The following INTS7 variants were observed in gnomAD, a reference collection of about 807,000 sequenced individuals.
INTS7 encodes the protein integrator complex subunit 7.
Under a neutral mutation model 109.2 loss-of-function variants are expected in INTS7, and 46 were observed. The ratio of observed to expected loss-of-function variants is 0.42; its 90% CI spans 0.33 to 0.54. INTS7 has a LOEUF of 0.54. INTS7 is among the 20% of genes least tolerant of loss of function. INTS7 has a pLI of 0.07. For synonymous variants in INTS7, 412 were observed against 402.9 expected (o/e 1.02, Z -0.27); for missense variants, 929 against 1,132.4 (o/e 0.82, Z 2.58).
intron 12 of INTS7, among the ~76,000 whole-genome samples, 184 bp from the exon 13 acceptor site, chr1:211,975,556 G>A (rs1303345403): frequency 6.6e-6 from 1 of 152,172 alleles, no homozygotes. Context: ...AAAATATGCT[G>A]AGTTGCTTTT....
At chr1:211,971,915 CAAAAAAAAAA>C (rs745814699) in intron 13 of INTS7, among the ~76,000 whole-genome samples, 1 of 79,820 alleles carries the variant, frequency 1.3e-5, no homozygotes, top group African/African-American at 4.9e-5. Context: ...AACTCAGTCT[CAAAAAAAAAA>C]AAAAAAAAAA....
At position 211,946,628 on chromosome 1, in the gene INTS7, T is replaced by C. The variant is rs768867870; in HGVS notation, c.2394A>G (p.Lys798=). 6.2e-7 allele frequency: 1 copy of C among 1,610,382 alleles called. No individual in the cohort carries two copies. The highest frequency in any genetic ancestry group is 1.1e-5 in the South Asian group (1 of 90,978). The part of the protein sequence containing the change: ...PLSFQRYFFQ[K]LQSTSIKLAL... ...TTACCTTGATGCTGGTAGACTGTAG[T>C]TTCTGGAAAAAATATCTCTGGAAAG... The change falls in exon 18 of 20, where the codon AAA becomes AAG. Residue 798 remains lysine, a synonymous_variant. Transcript: ENST00000366994. The surrounding 1 kb of genome is among the most constrained non-coding windows in gnomAD (Gnocchi z 4.3).
chr1:211,946,333 A>G lies in INTS7; in HGVS notation c.2415+274T>C, dbSNP rs114847592. Among the ~76,000 whole-genome samples the G allele has an allele frequency of 0.014, 2,103 of 152,294 alleles. 13 individuals are homozygous for G. Among genetic ancestry groups the G allele is most frequent in the Non-Finnish European group, 0.021 (1,398 of 68,020 alleles). On this transcript the variant is annotated intron_variant, in intron 18 of 19. Coordinates refer to ENST00000366994, the MANE Select transcript of INTS7 (RefSeq NM_015434.4). This position sits in a 1 kb window ranked among gnomAD's most constrained non-coding sequence, Gnocchi z 4.3. ...CCCCATCTTTACCAAAAATAAAAAA[A>G]TCAGCTGCGTGAGGTGGTGGATGCC...
rs772711460 is a variant in INTS7 at position 211,946,665 on chromosome 1, T to C, written c.2357A>G (p.Lys786Arg). 1.9e-6 allele frequency: 3 copies of C among 1,613,662 alleles called. No individual in the cohort carries two copies. The highest frequency in any genetic ancestry group is 1.7e-5 in the Admixed American group (1 of 60,016). ...CLCNAIIALL[K>R]VPLSFQRYFF... ...ATATCTCTGGAAAGAAAGGGGAACTTTCAGCAAAGCAATGATGGCATTGCA... is the reference window on the plus strand; with the variant it reads ...ATATCTCTGGAAAGAAAGGGGAACTCTCAGCAAAGCAATGATGGCATTGCA... Residue 786 changes from lysine to arginine, a missense_variant, in exon 18 of 20, where the codon AAA becomes AGA. Transcript: ENST00000366994. The surrounding 1 kb of genome is among the most constrained non-coding windows in gnomAD (Gnocchi z 4.3).
In INTS7 at chr1:211,950,217, G is replaced by A. The variant is rs568800418; in HGVS notation, c.2316+2352C>T. Among the ~76,000 whole-genome samples, 30 of 152,338 alleles carry A rather than the reference G, an allele frequency of 2.0e-4. No homozygotes were observed. The East Asian group carries it at 5.6e-3, about 28-fold the overall frequency. ...TGAACTGAATCTGGAGGCTCAGACA[G>A]TAACAAATCTATAAAGTACAACTTG... On this transcript the variant is annotated intron_variant, in intron 17 of 19. Transcript: ENST00000366994.
chr1:211,996,212 G>A (rs1665378415), intron 7 of INTS7, among the ~76,000 whole-genome samples: 1 of 152,016 alleles, frequency 6.6e-6, no homozygotes, highest in Non-Finnish European at 1.5e-5. Context: ...ACTTGAGATT[G>A]GGAGTTCAAG....
At chr1:212,019,120 G>A (rs1198056790) in intron 3 of INTS7, among the ~76,000 whole-genome samples, 1 of 151,988 alleles carries the variant, frequency 6.6e-6, no homozygotes, top group African/African-American at 2.4e-5. Context: ...GTGTGGTGGC[G>A]GGCACCTACA....
At chr1:211,987,158 A>G (rs895154638) in intron 8 of INTS7, among the ~76,000 whole-genome samples, 4 of 152,048 alleles carry the variant, frequency 2.6e-5, no homozygotes, top group South Asian at 2.1e-4. Flanking sequence ...TTAGCCAGCC[A>G]TGGTGGCGGG....
intron 17 of INTS7, among the ~76,000 whole-genome samples, chr1:211,950,230 A>G (rs933767130): frequency 6.6e-6 from 1 of 152,210 alleles, no homozygotes; most frequent in Admixed American, 6.5e-5. Flanking sequence ...ACAAATCTAT[A>G]AAGTACAACT....
At chr1:211,997,487 C>T (rs1057409930) in intron 7 of INTS7, among the ~76,000 whole-genome samples, 3 of 138,400 alleles carry the variant, frequency 2.2e-5, no homozygotes, top group Non-Finnish European at 4.6e-5. Flanking sequence ...CACACCATTG[C>T]ACTCCAGCCT....
intron 1 of INTS7, among the ~76,000 whole-genome samples, chr1:212,033,437 G>A (rs933236767): frequency 6.6e-6 from 1 of 152,182 alleles, no homozygotes; most frequent in Admixed American, 6.5e-5. Context: ...GGCATTGCTG[G>A]GAGGAGTGCA....
chr1:211,995,627 A>C (rs972204435), intron 7 of INTS7, among the ~76,000 whole-genome samples: 3 of 152,356 alleles, frequency 2.0e-5, no homozygotes, highest in African/African-American at 7.2e-5. Context: ...AATATTTTTT[A>C]ATTGAAATGG....
Position 211,974,272 on chromosome 1 carries a change from A to ATATATATATATATATAT in INTS7, c.1815+893_1815+894insATATATATATATATATA, listed in dbSNP as rs1553249472. Among the ~76,000 whole-genome samples the ATATATATATATATATAT allele has an allele frequency of 1.4e-3, 85 of 62,180 alleles. 3 individuals carry two copies. The highest frequency in any genetic ancestry group is 1.7e-3 in the South Asian group (3 of 1,802). The allele number at this position is 62,180 out of a possible 152,430, so 40.8% of individuals were successfully genotyped here. A position where few individuals can be genotyped will look rare whatever the true frequency, so the allele number is the denominator to read the frequency against. On this transcript the variant is annotated intron_variant, in intron 13 of 19. Transcript: ENST00000366994. ...GAAACAACAATCTCTTCCCAGAAAA[A>ATATATATATATATATAT]AAAAATATATATATATATATATATA...
chr1:211,944,910 C>G lies in INTS7; in HGVS notation c.2475G>C (p.Gln825His). 6.2e-7 allele frequency: 1 copy of G among 1,614,200 alleles called. No homozygotes were observed. Among genetic ancestry groups the G allele is most frequent in the Non-Finnish European group, 8.5e-7 (1 of 1,180,028 alleles). Reference protein sequence around the residue: ...PAEPIAVQNNQQLALKVEGVV... With the variant: ...PAEPIAVQNNHQLALKVEGVV... ...CTCCCTCTACCTTTAGCGCCAGCTG[C>G]TGGTTATTCTGGACAGCAATGGGCT... Residue 825 changes from glutamine to histidine, a missense_variant, in exon 19 of 20, where the codon CAG becomes CAC. By Grantham distance (24) the Gln-to-His change is conservative. Coordinates refer to ENST00000366994, the MANE Select transcript of INTS7 (RefSeq NM_015434.4).
rs772372026 is a variant in INTS7, at chr1:212,007,222, T to C, written c.756+28A>G. On this transcript the variant is annotated intron_variant, in intron 6 of 19. Transcript: ENST00000366994. ...ATTTAATATGTAAGTTTACCAAAGA[T>C]AGGCAGTTTAAAGAAAATTGAAATT... The C allele has an allele frequency of 4.1e-6, 6 of 1,474,990 alleles. No homozygotes were observed. The Admixed American group carries it at 6.7e-5, about 17-fold the overall frequency. 91.4% of individuals were successfully genotyped at this position (1,474,990 alleles called of 1,614,324 possible).
intron 1 of INTS7, among the ~76,000 whole-genome samples, chr1:212,032,821 C>A (rs1667231839): frequency 6.6e-6 from 1 of 152,142 alleles, no homozygotes; most frequent in Non-Finnish European, 1.5e-5. Context: ...TTACTTTGCT[C>A]CAGATAACTG....
At chr1:211,980,892 T>C (rs1454845043) in intron 10 of INTS7, among the ~76,000 whole-genome samples, 1 of 152,228 alleles carries the variant, frequency 6.6e-6, no homozygotes, top group Non-Finnish European at 1.5e-5. Flanking sequence ...TTAATGAACA[T>C]TTATGAGTCG....
rs199607312 is a variant in INTS7 at position 211,975,269 on chromosome 1, G to C, written c.1712C>G (p.Ala571Gly). ...WLNSLKEFSH[A>G]EQCLTGLQEE... is the part of the protein sequence containing the mutation. ...TTGCAACCCAGTGAGACACTGTTCT[G>C]CATGTGAAAACTCCTTCAAACTATT... is the stretch of plus-strand genomic sequence containing the variant. The change falls in exon 13 of 20, where the codon GCA becomes GGA. Residue 571 changes from alanine (A) to glycine (G), a missense_variant. Transcript: ENST00000366994. 9.5e-5 allele frequency: 153 copies of C among 1,613,622 alleles called. No individual in the cohort carries two copies. Among genetic ancestry groups the C allele is most frequent in the Non-Finnish European group, 1.3e-4 (148 of 1,179,524 alleles).
rs367574557 is a variant in INTS7, at chr1:211,965,969, C to T, written c.2183+461G>A. 3.0e-4 allele frequency among the ~76,000 whole-genome samples: 46 copies of T among 151,940 alleles called. No individual in the cohort carries two copies. In the Middle Eastern group the frequency reaches 0.014, roughly 45 times the overall value. ...TTAAAAAAGAAAGAAAATGTATATT[C>T]CAAAAGAGAATACTATAATAGGAAA... is the stretch of plus-strand genomic sequence containing the variant. On this transcript the variant is annotated intron_variant, in intron 16 of 19. Coordinates refer to ENST00000366994, the MANE Select transcript of INTS7 (RefSeq NM_015434.4).
Sources: gnomAD v4.1 joint callset for allele counts (sites outside exome capture counted in the v4.1 genomes callset) on GRCh38, gnomAD v4.1.1 for gene constraint, Gnocchi (gnomAD v3.1) non-coding constraint, MANE v1.5 for transcripts, NCBI Gene and HGNC (gene_info 2026-07-23, HGNC 2026-07-21) for gene names.